Variants in INTS6 observed in about 807,000 individuals in gnomAD.
INTS6 encodes integrator complex subunit 6.
Under a neutral mutation model 104.9 loss-of-function variants are expected in INTS6, and 16 were observed. The ratio of observed to expected loss-of-function variants is 0.15; its 90% CI spans 0.10 to 0.23. The LOEUF is 0.23. Ranked by LOEUF, INTS6 falls within the 10% of genes least tolerant of loss-of-function variation. The pLI is 1.00. For synonymous variants in INTS6, 324 were observed against 358.7 expected, an observed-to-expected ratio of 0.90 and a Z score of 1.09; for missense variants, 584 against 1,062.8, an observed-to-expected ratio of 0.55 and a Z score of 6.26.
intron 3 of INTS6, chr13:51,449,905 ACT>A (rs1953000057): frequency 2.0e-6 from 2 of 983,196 alleles, no homozygotes; most frequent in Non-Finnish European, 1.2e-6. Flanking sequence ...TGGTAAGCTC[ACT>A]CTGAATTTCA....
rs1205622540 is a variant in INTS6 at position 51,364,416 on chromosome 13, C to G, written c.*1336G>C. On this transcript the variant is annotated 3_prime_UTR_variant, in exon 18 of 18. Coordinates refer to ENST00000311234, the MANE Select transcript of INTS6 (RefSeq NM_012141.3). ...GTATGTGATTTTCAATATTATAAAC[C>G]TAAAAATACTTCAGTTTTTAAATGT... 2 of 491,604 alleles carry G rather than the reference C, an allele frequency of 4.1e-6. No homozygotes were observed. The allele number at this position is 491,604 out of a possible 1,614,324, so 30.5% of individuals were successfully genotyped here.
In INTS6 at chr13:51,368,958, C is replaced by T; in HGVS notation, c.2457G>A (p.Glu819=). 1.3e-6 allele frequency: 2 copies of T among 1,586,008 alleles called. No homozygotes were observed. Among genetic ancestry groups the T allele is most frequent in the Non-Finnish European group, 1.7e-6 (2 of 1,165,602 alleles). The change falls in exon 16 of 18, where the codon GAG becomes GAA. Residue 819 remains glutamate (E), a synonymous_variant. Coordinates refer to ENST00000311234, the MANE Select transcript of INTS6 (RefSeq NM_012141.3). ...ACATACTTCTTCCTGGCTTTCGGATCTCTTTCATTATTTGTGCTTTTAGTT... is the reference window on the plus strand; with the variant it reads ...ACATACTTCTTCCTGGCTTTCGGATTTCTTTCATTATTTGTGCTTTTAGTT... The part of the protein sequence containing the change: ...NTELKAQIMK[E]IRKPGRKYER...
rs2137843151 is a variant in INTS6, at chr13:51,364,595, TG to T, written c.*1156del. 1 of 225,740 alleles carries T rather than the reference TG, an allele frequency of 4.4e-6. No individual in the cohort carries two copies. Among genetic ancestry groups the T allele is most frequent in the East Asian group, 8.9e-5 (1 of 11,204 alleles). 14.0% of individuals were successfully genotyped at this position (225,740 alleles called of 1,614,324 possible). A position where few individuals can be genotyped will look rare whatever the true frequency, so the allele number is the denominator to read the frequency against. On this transcript the variant is annotated 3_prime_UTR_variant, in exon 18 of 18. Coordinates refer to ENST00000311234, the MANE Select transcript of INTS6 (RefSeq NM_012141.3). ...TCCTCAGTACGGATACTCTAGGCCA[TG>T]TTGAATTGAGGGTGGAGAATGAATA...
chr13:51,387,529 C>G lies in INTS6; in HGVS notation c.751G>C (p.Asp251His). Residue 251 changes from aspartate to histidine, a missense_variant, in exon 7 of 18, where the codon GAT becomes CAT. Physicochemically the swap from Asp to His is moderately conservative, Grantham distance 81. Around this residue, in one of 5 missense-constraint regions of INTS6, gnomAD observed 144 missense variants for 348.7 expected, o/e 0.41. Coordinates refer to ENST00000311234, the MANE Select transcript of INTS6 (RefSeq NM_012141.3). ...DPSPVEDGQP[D>H]ISRPFGSQPW... ...TGAGATCCAAAAGGCCTTGATATAT[C>G]TGGCTGCCCATCTATAGCAAAGAAA... The G allele has an allele frequency of 1.2e-6, 2 of 1,607,756 alleles. No individual in the cohort carries two copies. The highest frequency in any genetic ancestry group is 1.7e-6 in the Non-Finnish European group (2 of 1,176,386).
At chr13:51,429,785 A>AAAAAAATATAT (rs1156333077) in intron 4 of INTS6, among the ~76,000 whole-genome samples, 6 of 92,352 alleles carry the variant, frequency 6.5e-5, no homozygotes, top group African/African-American at 2.3e-4. Flanking sequence ...AAAAAAAAAA[A>AAAAAAATATAT]ATATATATAT....
At chr13:51,378,957 T>C (rs771142868) in intron 11 of INTS6, among the ~76,000 whole-genome samples, 14 of 152,188 alleles carry the variant, frequency 9.2e-5, no homozygotes, top group Middle Eastern at 3.4e-3. Context: ...ACTGGAGAAA[T>C]AATGTATTTC....
At chr13:51,383,197 A>C in intron 9 of INTS6, 132 bp downstream of exon 9, 5 of 697,978 alleles carry the variant, frequency 7.2e-6, no homozygotes, top group Non-Finnish European at 1.1e-5. Context: ...TATTTTCTTA[A>C]AGATGTTCAA....
chr13:51,361,675 C>G lies in INTS6; in HGVS notation c.*4077G>C. The G allele has an allele frequency of 1.3e-6, 1 of 743,998 alleles. No individual in the cohort carries two copies. The highest frequency in any genetic ancestry group is 2.1e-6 in the Non-Finnish European group (1 of 474,018). 46.1% of individuals were successfully genotyped at this position (743,998 alleles called of 1,614,324 possible). On this transcript the variant is annotated 3_prime_UTR_variant, in exon 18 of 18. Coordinates refer to ENST00000311234, the MANE Select transcript of INTS6 (RefSeq NM_012141.3). ...TCTCTTTAATTTTCCCATCTGCACC[C>G]CCATCACAACAGTAAACAATCAAAT... is the stretch of plus-strand genomic sequence containing the variant.
At chr13:51,444,913 C>T (rs1263841491) in intron 3 of INTS6, 9 of 147,190 alleles carry the variant, frequency 6.1e-5, no homozygotes, top group Non-Finnish European at 1.2e-4. Flanking sequence ...AAAATAAAAT[C>T]TGGGTTTGGG....
chr13:51,373,684 G>A (rs1466815433), intron 15 of INTS6, among the ~76,000 whole-genome samples: 2 of 152,174 alleles, frequency 1.3e-5, no homozygotes, highest in Non-Finnish European at 2.9e-5. Flanking sequence ...CTTCAGTTAA[G>A]TGCCTTGACT....
chr13:51,350,956 T>C (rs542853393), downstream of INTS6, among the ~76,000 whole-genome samples: 5 of 152,330 alleles, frequency 3.3e-5, no homozygotes, highest in Admixed American at 1.3e-4. Flanking sequence ...TCAAGGTTCA[T>C]AGTAGCATGA....
chr13:51,441,267 C>T (rs571721140), intron 3 of INTS6: 7 of 151,948 alleles, frequency 4.6e-5, no homozygotes, highest in Non-Finnish European at 7.4e-5. Flanking sequence ...CCTCTAGTAC[C>T]CCATAATTTC....
Position 51,362,444 on chromosome 13 carries a change from C to G in INTS6, c.*3308G>C, listed in dbSNP as rs1011184370. The G allele has an allele frequency of 6.5e-6, 1 of 153,270 alleles. No individual in the cohort carries two copies. The highest frequency in any genetic ancestry group is 1.5e-5 in the Non-Finnish European group (1 of 68,700). The allele number at this position is 153,270 out of a possible 1,614,324, so 9.5% of individuals were successfully genotyped here. Reference sequence around the variant, plus strand: ...AAAGATGGTGTGGTACCGGCAAAGCCTCAGTACATCAGAAGGACACACAAA... The same window carrying G: ...AAAGATGGTGTGGTACCGGCAAAGCGTCAGTACATCAGAAGGACACACAAA... On this transcript the variant is annotated 3_prime_UTR_variant, in exon 18 of 18. Transcript: ENST00000311234.
the INTS6 span, among the ~76,000 whole-genome samples, chr13:51,347,450 A>T: frequency 6.6e-6 from 1 of 152,192 alleles, no homozygotes; most frequent in African/African-American, 2.4e-5. Flanking sequence ...CAGTGAGGAC[A>T]CAGATGTGGA....
chr13:51,432,314 C>T (rs1957106242), intron 3 of INTS6, among the ~76,000 whole-genome samples: 1 of 151,988 alleles, frequency 6.6e-6, no homozygotes, highest in Non-Finnish European at 1.5e-5. Flanking sequence ...ATCTATCCTC[C>T]CACCTTTTCA....
chr13:51,334,513 A>G, the INTS6 span, among the ~76,000 whole-genome samples: 1 of 152,168 alleles, frequency 6.6e-6, no homozygotes, highest in Admixed American at 6.5e-5. Flanking sequence ...AGTTGTTAAA[A>G]TTTTCCAGAT....
chr13:51,396,524 T>C (rs989282883), intron 4 of INTS6, among the ~76,000 whole-genome samples: 1 of 152,190 alleles, frequency 6.6e-6, no homozygotes, highest in Non-Finnish European at 1.5e-5. Context: ...CATATTCATC[T>C]CAGTATCACT....
At chr13:51,340,126 A>G in the INTS6 span, among the ~76,000 whole-genome samples, 1 of 152,176 alleles carries the variant, frequency 6.6e-6, no homozygotes. Flanking sequence ...AGTGAGTGTG[A>G]GCGTGAGTAG....
At chr13:51,383,094 C>G (rs1345431238) in intron 9 of INTS6, among the ~76,000 whole-genome samples, 1 of 150,476 alleles carries the variant, frequency 6.6e-6, no homozygotes, top group Non-Finnish European at 1.5e-5. Flanking sequence ...CCTCCCCCAC[C>G]CCCCCGCAAA....
Sources: gnomAD v4.1 joint callset for allele counts (sites outside exome capture counted in the v4.1 genomes callset) on GRCh38, gnomAD v4.1.1 for gene constraint, gnomAD v4.1.1 regional missense constraint, MANE v1.5 for transcripts, NCBI Gene and HGNC (gene_info 2026-07-23, HGNC 2026-07-21) for gene names.